The following IL17B variants were observed in gnomAD, a reference collection of about 807,000 sequenced individuals.
The protein encoded by IL17B is interleukin-17B.
In IL17B, 14 loss-of-function variants were observed where a neutral mutation model predicts 14.7. The ratio of observed to expected loss-of-function variants is 0.95; its 90% CI spans 0.63 to 1.49. IL17B has a LOEUF of 1.49. Among genes scored for constraint, IL17B ranks in the 40% most tolerant of loss-of-function variants. The pLI is 0.00. For synonymous variants in IL17B, 105 were observed against 94.8 expected, an observed-to-expected ratio of 1.11 and a Z score of -0.62; for missense variants, 233 against 252.8, an observed-to-expected ratio of 0.92 and a Z score of 0.53.
intron 1 of IL17B, 130 bp from the exon 2 acceptor site, chr5:149,377,155 C>A: frequency 1.5e-6 from 1 of 679,380 alleles, no homozygotes; most frequent in Non-Finnish European, 2.4e-6. Context: ...GCCTACCATC[C>A]CCCAGCTCTC....
chr5:149,397,964 T>C (rs916507610), intron 1 of IL17B, among the ~76,000 whole-genome samples: 5 of 152,260 alleles, frequency 3.3e-5, no homozygotes, highest in East Asian at 1.9e-4. Flanking sequence ...CCCACCAACA[T>C]TGAGGGCAGA....
upstream of IL17B, among the ~76,000 whole-genome samples, chr5:149,379,589 T>G (rs1758636560): frequency 6.6e-6 from 1 of 152,184 alleles, no homozygotes; most frequent in Admixed American, 6.5e-5. Flanking sequence ...ACAATCAGCT[T>G]CGTTTGCTTA....
At chr5:149,380,506 A>G (rs1758665507), upstream of IL17B, among the ~76,000 whole-genome samples, 1 of 152,138 alleles carries the variant, frequency 6.6e-6, no homozygotes, top group South Asian at 2.1e-4. Context: ...TCCAAGATTC[A>G]GGCCACAAGT....
intron 1 of IL17B, among the ~76,000 whole-genome samples, chr5:149,392,986 G>GTGCGTGTGTGTGCTGCGTGTGTGCATGTC (rs1449188512): frequency 1.5e-5 from 1 of 66,704 alleles, no homozygotes; most frequent in Non-Finnish European, 3.2e-5. Flanking sequence ...GCGTGTGTGT[G>GTGCGTGTGTGTGCTGCGTGTGTGCATGTC]TGCGTGTGTG....
chr5:149,388,908 A>G (rs1360101006), intron 1 of IL17B, among the ~76,000 whole-genome samples: 2 of 152,164 alleles, frequency 1.3e-5, no homozygotes, highest in African/African-American at 4.8e-5. Context: ...TCATCTCCTT[A>G]ATTGTCAGTT....
chr5:149,386,970 T>C (rs1180995795), intron 1 of IL17B, among the ~76,000 whole-genome samples: 1 of 152,206 alleles, frequency 6.6e-6, no homozygotes, highest in African/African-American at 2.4e-5. Context: ...CGTCCCAAAG[T>C]GCTGGGATTA....
At chr5:149,390,630 CAGAG>C (rs1554108482) in intron 1 of IL17B, among the ~76,000 whole-genome samples, 2 of 131,988 alleles carry the variant, frequency 1.5e-5, no homozygotes, top group Non-Finnish European at 3.2e-5. Context: ...CACACACACA[CAGAG>C]ATACACAAGG....
chr5:149,381,453 C>G (rs1329042986), upstream of IL17B, among the ~76,000 whole-genome samples: 1 of 152,246 alleles, frequency 6.6e-6, no homozygotes, highest in Admixed American at 6.5e-5. Context: ...CCAGCTCACA[C>G]AGTGCGTTTG....
chr5:149,403,066 CTGTTTTGTTTTGTTTTGTTT>C (rs113008877), intron 1 of IL17B, among the ~76,000 whole-genome samples: 6 of 142,056 alleles, frequency 4.2e-5, no homozygotes, highest in African/African-American at 1.3e-4. Context: ...TTGTTTTGTT[CTGTTTTGTTTTGTTTTGTTT>C]TGTTTTGTTT....
intron 1 of IL17B, among the ~76,000 whole-genome samples, chr5:149,396,077 CA>C (rs1451132182): frequency 6.6e-6 from 1 of 152,222 alleles, no homozygotes; most frequent in African/African-American, 2.4e-5. Flanking sequence ...CTGCCAAATG[CA>C]GTGGGCTGAA....
intron 1 of IL17B, 58 bp downstream of exon 1, chr5:149,379,147 A>C: frequency 6.2e-7 from 1 of 1,607,140 alleles, no homozygotes; most frequent in Non-Finnish European, 8.5e-7. Flanking sequence ...GGAAAGAAAA[A>C]CTGACATATT....
intron 1 of IL17B, among the ~76,000 whole-genome samples, chr5:149,395,704 G>T (rs62380285): frequency 2.0e-5 from 3 of 152,006 alleles, no homozygotes; most frequent in Non-Finnish European, 4.4e-5. Context: ...GAGGAGTCTC[G>T]CTCTGTTGCC....
At chr5:149,384,830 G>C (rs1036446070) in intron 1 of IL17B, among the ~76,000 whole-genome samples, 2 of 152,044 alleles carry the variant, frequency 1.3e-5, no homozygotes, top group Non-Finnish European at 2.9e-5. Flanking sequence ...TATCAGCAGA[G>C]AGCAGAACAC....
At chr5:149,389,477 C>T (rs150489276) in intron 1 of IL17B, among the ~76,000 whole-genome samples, 3 of 152,228 alleles carry the variant, frequency 2.0e-5, no homozygotes, top group Non-Finnish European at 4.4e-5. Context: ...GATGGGAAAA[C>T]AGAAGTCCAG....
intron 2 of IL17B, among the ~76,000 whole-genome samples, chr5:149,376,216 G>T (rs1315185992): frequency 6.6e-6 from 1 of 152,186 alleles, no homozygotes; most frequent in Non-Finnish European, 1.5e-5. Flanking sequence ...TTCCCAAATC[G>T]CAGCCTGCTG....
chr5:149,404,145 G>C (rs1159998695), exon 1 of IL17B: 2 of 152,224 alleles, frequency 1.3e-5, no homozygotes, highest in South Asian at 2.1e-4. Flanking sequence ...TCTAGGAATG[G>C]AGGGATTTCA....
upstream of IL17B, among the ~76,000 whole-genome samples, chr5:149,382,996 G>A (rs1485820361): frequency 2.6e-5 from 4 of 152,246 alleles, no homozygotes; most frequent in East Asian, 1.9e-4. Context: ...AGCCGGGAGG[G>A]CAGAGGTCAG....
intron 1 of IL17B, among the ~76,000 whole-genome samples, chr5:149,398,199 A>G (rs1238357872): frequency 6.6e-6 from 1 of 152,252 alleles, no homozygotes; most frequent in East Asian, 1.9e-4. Context: ...ACAAGGTAAT[A>G]GTTTTGTCTA....
chr5:149,392,969 C>T lies in IL17B; in HGVS notation n.95+11139G>A, dbSNP rs3887043. 5.6e-3 allele frequency among the ~76,000 whole-genome samples: 312 copies of T among 55,928 alleles called. 3 individuals are homozygous for T. Among genetic ancestry groups the T allele is most frequent in the African/African-American group, 0.024 (281 of 11,658 alleles). 36.7% of individuals were successfully genotyped at this position (55,928 alleles called of 152,430 possible). A position where few individuals can be genotyped will look rare whatever the true frequency, so the allele number is the denominator to read the frequency against. On this transcript the variant is annotated intron_variant and non_coding_transcript_variant, in intron 1 of 2. Coordinates refer to the IL17B transcript ENST00000505432. ...GTGCGTGCGTGTGTGCGTGTGTGTG[C>T]GCGCGTGCGTGTGTGTGTGCGTGTG...
Sources: allele counts gnomAD v4.1 joint callset (sites outside exome capture counted in the v4.1 genomes callset), GRCh38; gene constraint gnomAD v4.1.1; transcripts MANE v1.5; gene names NCBI Gene and HGNC (gene_info 2026-07-23, HGNC 2026-07-21).